RBMS3: variants seen among roughly 807,000 people sequenced by gnomAD.
RBMS3 encodes RNA-binding motif, single-stranded-interacting protein 3.
RBMS3 carries 27 observed loss-of-function variants against 66.8 expected under a neutral mutation model. The observed-to-expected ratio is 0.40, with a 90% CI of 0.30 to 0.56. The LOEUF (loss-of-function observed/expected upper bound fraction) is 0.56. Ranked by LOEUF, RBMS3 falls within the 20% of genes least tolerant of loss-of-function variation. The pLI, the probability that RBMS3 is intolerant of heterozygous loss-of-function variation, is 0.40. For missense variants in RBMS3, 513 were observed against 549.5 expected, an observed-to-expected ratio of 0.93 and a Z score of 0.66; for synonymous variants, 188 against 183.0, an observed-to-expected ratio of 1.03 and a Z score of -0.22.
chr3:29,313,502 G>T (rs1018266175), intron 1 of RBMS3, among the ~76,000 whole-genome samples: 1 of 151,654 alleles, frequency 6.6e-6, no homozygotes, highest in African/African-American at 2.4e-5. Flanking sequence ...TGAGGCACAG[G>T]TCACTGGAGT....
intron 4 of RBMS3, among the ~76,000 whole-genome samples, chr3:29,702,580 A>G (rs1214369690): frequency 6.6e-6 from 1 of 152,156 alleles, no homozygotes; most frequent in Non-Finnish European, 1.5e-5. Flanking sequence ...ATGAGCTGTA[A>G]CTCACCACAA....
At chr3:29,509,313 C>T (rs1304839034) in intron 3 of RBMS3, among the ~76,000 whole-genome samples, 1 of 152,166 alleles carries the variant, frequency 6.6e-6, no homozygotes, top group Admixed American at 6.6e-5. Flanking sequence ...TGCCTGTTCT[C>T]TTTGCCTGTA....
intron 3 of RBMS3, among the ~76,000 whole-genome samples, chr3:29,567,800 C>A (rs970396983): frequency 5.5e-4 from 84 of 152,130 alleles, no homozygotes; most frequent in African/African-American, 2.0e-3. Context: ...ATTAGCTTTT[C>A]AAAATATGAC....
At chr3:29,548,460 A>C (rs2046057657) in intron 3 of RBMS3, among the ~76,000 whole-genome samples, 2 of 151,686 alleles carry the variant, frequency 1.3e-5, no homozygotes, top group Non-Finnish European at 2.9e-5. Context: ...AAAAAACAAA[A>C]CGACGTTAAT....
chr3:29,406,195 A>G (rs2040009986), intron 1 of RBMS3, among the ~76,000 whole-genome samples: 1 of 152,158 alleles, frequency 6.6e-6, no homozygotes, highest in Admixed American at 6.5e-5. Flanking sequence ...GATGTGTTAA[A>G]TGGTTGTGGC....
At chr3:29,825,126 C>T (rs748425806) in intron 6 of RBMS3, among the ~76,000 whole-genome samples, 4 of 151,378 alleles carry the variant, frequency 2.6e-5, no homozygotes, top group Admixed American at 6.6e-5. Context: ...ACCTCTACCT[C>T]GCAGCTTCAA....
At chr3:29,739,903 C>G in intron 5 of RBMS3, 26 bp downstream of exon 5, 2 of 1,484,692 alleles carry the variant, frequency 1.3e-6, no homozygotes, top group East Asian at 2.4e-5. Flanking sequence ...TGTATGTAAT[C>G]GTTCTTTCCT....
chr3:29,581,405 A>C (rs886848269), intron 3 of RBMS3, among the ~76,000 whole-genome samples: 3 of 152,134 alleles, frequency 2.0e-5, no homozygotes, highest in African/African-American at 7.2e-5. Flanking sequence ...ATACAGAGGT[A>C]TGGAGGCAGT....
intron 3 of RBMS3, among the ~76,000 whole-genome samples, chr3:29,500,888 G>A (rs1170075581): frequency 1.3e-5 from 2 of 151,558 alleles, no homozygotes; most frequent in Non-Finnish European, 2.9e-5. Flanking sequence ...ACATTTATGA[G>A]GTATTTTTAT....
At chr3:29,675,224 T>C (rs1352737925) in intron 4 of RBMS3, among the ~76,000 whole-genome samples, 1 of 152,202 alleles carries the variant, frequency 6.6e-6, no homozygotes, top group Non-Finnish European at 1.5e-5. Context: ...GCTAGCCATA[T>C]GTAGAAAGCT....
At chr3:29,982,866 A>G (rs1294496295) in intron 12 of RBMS3, among the ~76,000 whole-genome samples, 3 of 152,222 alleles carry the variant, frequency 2.0e-5, no homozygotes, top group African/African-American at 7.2e-5. Context: ...TGTGGTGCTG[A>G]GAAGAATGTA....
At chr3:29,478,767 T>G (rs189107280) in intron 2 of RBMS3, among the ~76,000 whole-genome samples, 271 of 152,364 alleles carry the variant, frequency 1.8e-3, no homozygotes, top group Non-Finnish European at 2.8e-3. Flanking sequence ...ATGTTTTCCA[T>G]TACGTATTCG....
chr3:29,770,445 C>T (rs369442581), intron 6 of RBMS3, among the ~76,000 whole-genome samples: 8 of 151,708 alleles, frequency 5.3e-5, no homozygotes, highest in African/African-American at 1.9e-4. Context: ...ATATGAAGCA[C>T]CAATAAGTAG....
rs562499102 is a variant in RBMS3 at position 29,883,276 on chromosome 3, C to T, written c.745-886C>T. Among the ~76,000 whole-genome samples, 4 of 152,088 alleles carry T rather than the reference C, an allele frequency of 2.6e-5. No individual in the cohort carries two copies. The East Asian group carries it at 7.8e-4, about 30-fold the overall frequency. ...GTCATAGCTGAGGAATGGAAAGGAGCCCATATCAGAAGACTTGGGTTGAAA... is the reference window on the plus strand; with the variant it reads ...GTCATAGCTGAGGAATGGAAAGGAGTCCATATCAGAAGACTTGGGTTGAAA... On this transcript the variant is annotated intron_variant, in intron 7 of 14. Transcript: ENST00000383767.
chr3:29,457,293 C>T (rs563997251), intron 2 of RBMS3, among the ~76,000 whole-genome samples: 3 of 152,190 alleles, frequency 2.0e-5, no homozygotes, highest in African/African-American at 7.2e-5. Context: ...TCTGCAGTCT[C>T]TTACTCCAAA....
In RBMS3 at chr3:29,918,920, TTG is replaced by T. The variant is rs540445987; in HGVS notation, c.940-17164_940-17163del. Among the ~76,000 whole-genome samples the T allele has an allele frequency of 1.4e-4, 22 of 152,222 alleles. No individual in the cohort carries two copies. In the South Asian group the frequency reaches 4.6e-3, roughly 32 times the overall value. ...TAGTTTCTTCTAAAGTAATAATATT[TTG>T]TCATTTTCCTTATATTAGATATTAT... On this transcript the variant is annotated intron_variant, in intron 10 of 14. Coordinates refer to ENST00000383767, the MANE Select transcript of RBMS3 (RefSeq NM_001003793.3).
rs188677378 is a variant in RBMS3 at position 29,483,451 on chromosome 3, A to G, written c.249-4990A>G. Among the ~76,000 whole-genome samples, 17 of 152,258 alleles carry G rather than the reference A, an allele frequency of 1.1e-4. 1 individual carries two copies. In the South Asian group the frequency reaches 2.7e-3, roughly 24 times the overall value. On this transcript the variant is annotated intron_variant, in intron 2 of 14. Coordinates refer to ENST00000383767, the MANE Select transcript of RBMS3 (RefSeq NM_001003793.3). ...TCTCAAAGCACCATCAGCAGTATCAACCTTACCTGGGATCCTGTTAGAAAT... is the reference window on the plus strand; with the variant it reads ...TCTCAAAGCACCATCAGCAGTATCAGCCTTACCTGGGATCCTGTTAGAAAT...
chr3:29,325,470 T>A (rs2035266224), intron 1 of RBMS3, among the ~76,000 whole-genome samples: 1 of 151,866 alleles, frequency 6.6e-6, no homozygotes, highest in African/African-American at 2.4e-5. Context: ...CAATGTAAGA[T>A]TCAGTTGAAA....
At chr3:29,937,934 T>G (rs145039029) in intron 11 of RBMS3, among the ~76,000 whole-genome samples, 21 of 152,082 alleles carry the variant, frequency 1.4e-4, no homozygotes, top group Middle Eastern at 6.8e-3. Context: ...TCATAAATTC[T>G]GAATAAGTGA....
Sources: gnomAD v4.1 joint callset for allele counts (sites outside exome capture counted in the v4.1 genomes callset) on GRCh38, gnomAD v4.1.1 for gene constraint, MANE v1.5 for transcripts, NCBI Gene and HGNC (gene_info 2026-07-23, HGNC 2026-07-21) for gene names.